The following GPATCH2 variants were observed in gnomAD, a reference collection of about 807,000 sequenced individuals.
The protein encoded by GPATCH2 is G patch domain-containing protein 2.
Under a neutral mutation model 58.0 loss-of-function variants are expected in GPATCH2, and 51 were observed. That is an observed-to-expected ratio of 0.88 (90% confidence interval 0.70 to 1.11). GPATCH2 has a LOEUF of 1.11. Ranked by LOEUF, GPATCH2 falls within the 50% of genes most tolerant of loss-of-function variation. The pLI, the probability that GPATCH2 is intolerant of heterozygous loss-of-function variation, is 0.00. For missense variants in GPATCH2, 625 were observed against 652.2 expected (o/e 0.96, Z 0.45); for synonymous variants, 222 against 218.5 (o/e 1.02, Z -0.14).
At chr1:217,608,983 A>G (rs1668493509) in intron 5 of GPATCH2, 2 of 982,020 alleles carry the variant, frequency 2.0e-6, no homozygotes, top group African/African-American at 1.7e-5. Flanking sequence ...GGTAAAAGCA[A>G]TGGCAACTTG....
At chr1:217,438,821 A>G (rs139258151) in intron 9 of GPATCH2, among the ~76,000 whole-genome samples, 2 of 152,312 alleles carry the variant, frequency 1.3e-5, no homozygotes, top group East Asian at 3.9e-4. Flanking sequence ...GAACTTCCCC[A>G]ACCTAGTAAG....
intron 8 of GPATCH2, among the ~76,000 whole-genome samples, chr1:217,452,175 AGAGG>A (rs1314323527): frequency 2.0e-5 from 3 of 152,204 alleles, no homozygotes; most frequent in African/African-American, 7.2e-5. Context: ...TTGAGACTGA[AGAGG>A]GAGGAGACCA....
chr1:217,550,950 T>C (rs990545280), intron 5 of GPATCH2, among the ~76,000 whole-genome samples: 1 of 151,790 alleles, frequency 6.6e-6, no homozygotes, highest in African/African-American at 2.4e-5. Flanking sequence ...TTACATAGCA[T>C]ATAATCAGAG....
chr1:217,534,503 C>T (rs1664367107), intron 5 of GPATCH2, among the ~76,000 whole-genome samples: 1 of 151,606 alleles, frequency 6.6e-6, no homozygotes, highest in African/African-American at 2.4e-5. Context: ...AAAATAAGGC[C>T]ATTTTTCATA....
chr1:217,482,347 A>T (rs1049400849), intron 8 of GPATCH2, among the ~76,000 whole-genome samples: 1 of 152,202 alleles, frequency 6.6e-6, no homozygotes, highest in African/African-American at 2.4e-5. Flanking sequence ...AAGACACATA[A>T]AGCAGGGAGA....
rs575542120 is a variant in GPATCH2 at position 217,565,898 on chromosome 1, T to A, written c.1098+44423A>T. 1.9e-4 allele frequency among the ~76,000 whole-genome samples: 29 copies of A among 152,018 alleles called. 2 individuals carry two copies. The South Asian group carries it at 6.0e-3, about 32-fold the overall frequency. Reference sequence around the variant, plus strand: ...GGGTGGGTCACCTGAGGTTGGGAGTTCGAGACCAGCCTGACCAAAATGGAG... The same window carrying A: ...GGGTGGGTCACCTGAGGTTGGGAGTACGAGACCAGCCTGACCAAAATGGAG... On this transcript the variant is annotated intron_variant, in intron 5 of 9. Transcript: ENST00000366935.
At chr1:217,524,545 C>T (rs1219121183) in intron 5 of GPATCH2, among the ~76,000 whole-genome samples, 4 of 151,766 alleles carry the variant, frequency 2.6e-5, no homozygotes, top group Admixed American at 1.3e-4. Context: ...GCTGAGATCA[C>T]GCCACTGCAC....
At chr1:217,525,354 C>T (rs1256579854) in intron 5 of GPATCH2, among the ~76,000 whole-genome samples, 1 of 152,154 alleles carries the variant, frequency 6.6e-6, no homozygotes. Flanking sequence ...ATACATAGCA[C>T]ATAATGTAGT....
At chr1:217,587,934 A>G (rs190676812) in intron 5 of GPATCH2, among the ~76,000 whole-genome samples, 432 of 152,326 alleles carry the variant, frequency 2.8e-3, no homozygotes, top group Non-Finnish European at 4.3e-3. Context: ...TGAGTATTTC[A>G]GTTGAATACC....
chr1:217,472,272 C>T (rs375667977), intron 8 of GPATCH2, among the ~76,000 whole-genome samples: 3 of 149,420 alleles, frequency 2.0e-5, no homozygotes, highest in South Asian at 2.1e-4. Context: ...TATTAGGCAT[C>T]GCTTAGTGCA....
intron 6 of GPATCH2, among the ~76,000 whole-genome samples, chr1:217,508,996 C>T (rs544179350): frequency 1.3e-5 from 2 of 152,128 alleles, no homozygotes; most frequent in African/African-American, 4.8e-5. Context: ...AAAATGATCG[C>T]GTTTTTATAA....
intron 5 of GPATCH2, among the ~76,000 whole-genome samples, chr1:217,589,279 A>G (rs557049964): frequency 5.1e-4 from 72 of 140,476 alleles, no homozygotes; most frequent in African/African-American, 1.8e-3. Flanking sequence ...GCTTCATGCC[A>G]TCACCTCTTC....
At chr1:217,563,211 T>A (rs1040348336) in intron 5 of GPATCH2, among the ~76,000 whole-genome samples, 23 of 152,316 alleles carry the variant, frequency 1.5e-4, no homozygotes, top group African/African-American at 5.5e-4. Context: ...GAGCAACAAT[T>A]TATCTTGTAG....
At chr1:217,576,215 C>A (rs191014874) in intron 5 of GPATCH2, among the ~76,000 whole-genome samples, 1 of 152,210 alleles carries the variant, frequency 6.6e-6, no homozygotes, top group East Asian at 1.9e-4. Context: ...ATTATGAATA[C>A]ATATTTTTCC....
rs559416733 is a variant in GPATCH2 at position 217,621,154 on chromosome 1, G to A, written c.57-655C>T. On this transcript the variant is annotated intron_variant, in intron 1 of 9. Transcript: ENST00000366935. Reference sequence around the variant, plus strand: ...TACTTCATTCTGAAGCAATCTCTTAGGCTTTCCTTTTTTAAGAGCATTAAA... The same window carrying A: ...TACTTCATTCTGAAGCAATCTCTTAAGCTTTCCTTTTTTAAGAGCATTAAA... 2.0e-5 allele frequency among the ~76,000 whole-genome samples: 3 copies of A among 152,214 alleles called. No homozygotes were observed. The South Asian group carries it at 6.2e-4, about 32-fold the overall frequency.
chr1:217,483,840 G>C (rs906969540), intron 8 of GPATCH2, among the ~76,000 whole-genome samples: 1 of 152,082 alleles, frequency 6.6e-6, no homozygotes, highest in Admixed American at 6.6e-5. Flanking sequence ...TCTTATTACT[G>C]AGTTTTCAGA....
intron 5 of GPATCH2, among the ~76,000 whole-genome samples, chr1:217,595,174 A>G (rs1667766855): frequency 6.6e-6 from 1 of 152,240 alleles, no homozygotes; most frequent in Non-Finnish European, 1.5e-5. Flanking sequence ...ATATTAGTAT[A>G]TATGAAAGGG....
chr1:217,538,096 TAA>T (rs1426207307), intron 5 of GPATCH2, among the ~76,000 whole-genome samples: 1 of 152,144 alleles, frequency 6.6e-6, no homozygotes, highest in Non-Finnish European at 1.5e-5. Context: ...AGGTATCAAC[TAA>T]AAAATCTACA....
At chr1:217,581,608 A>C (rs1419154067) in intron 5 of GPATCH2, among the ~76,000 whole-genome samples, 1 of 152,152 alleles carries the variant, frequency 6.6e-6, no homozygotes, top group Non-Finnish European at 1.5e-5. Flanking sequence ...CACATGTGAA[A>C]ACCTAGGTCT....
Sources: gnomAD v4.1 joint callset for allele counts (sites outside exome capture counted in the v4.1 genomes callset) on GRCh38, gnomAD v4.1.1 for gene constraint, MANE v1.5 for transcripts, NCBI Gene and HGNC (gene_info 2026-07-23, HGNC 2026-07-21) for gene names.